The following USP10 variants were observed in gnomAD, a reference collection of about 807,000 sequenced individuals.
USP10 encodes ubiquitin carboxyl-terminal hydrolase 10.
In USP10, 22 loss-of-function variants were observed where a neutral mutation model predicts 84.5. That is an observed-to-expected ratio of 0.26 (90% confidence interval 0.19 to 0.37). The LOEUF (loss-of-function observed/expected upper bound fraction) is 0.37. USP10 is among the 10% of genes least tolerant of loss of function. USP10 has a pLI of 1.00. For synonymous variants in USP10, 454 were observed against 387.6 expected (o/e 1.17, Z -2.01); for missense variants, 1,019 against 998.9 (o/e 1.02, Z -0.27).
At chr16:84,772,426 C>T (rs1455029438) in intron 11 of USP10, 115 bp from the exon 12 acceptor site, 1 of 1,435,740 alleles carries the variant, frequency 7.0e-7, no homozygotes, top group Non-Finnish European at 9.6e-7. Flanking sequence ...GAAGTCCTGC[C>T]ACAGGACTCT....
intron 13 of USP10, 150 bp from the exon 14 acceptor site, chr16:84,778,745 T>G: frequency 2.7e-6 from 2 of 737,932 alleles, no homozygotes; most frequent in Non-Finnish European, 4.4e-6. Context: ...TGAAATAGCA[T>G]TGGTTTGTGT....
At chr16:84,721,026 C>T (rs570647136) in intron 1 of USP10, among the ~76,000 whole-genome samples, 82 of 149,880 alleles carry the variant, frequency 5.5e-4, no homozygotes, top group African/African-American at 1.9e-3. Flanking sequence ...CTCGAGTAGC[C>T]GGGAGTACAG....
At chr16:84,735,744 T>C (rs1909852158) in intron 2 of USP10, among the ~76,000 whole-genome samples, 2 of 152,156 alleles carry the variant, frequency 1.3e-5, no homozygotes, top group African/African-American at 4.8e-5. Flanking sequence ...GTAGTGTGTG[T>C]GGGCTTATTT....
chr16:84,771,271 T>G (rs1219213564), intron 11 of USP10, among the ~76,000 whole-genome samples: 2 of 152,148 alleles, frequency 1.3e-5, no homozygotes, highest in Non-Finnish European at 2.9e-5. Context: ...CTTTAAAGGT[T>G]ATTTAAAACA....
rs1294185169 is a variant in USP10 at position 84,762,914 on chromosome 16, T to C, written c.1555-75T>C. The C allele has an allele frequency of 4.7e-6, 4 of 843,704 alleles. 1 individual carries two copies. Among genetic ancestry groups the C allele is most frequent in the South Asian group, 1.8e-5 (1 of 55,028 alleles). 52.3% of individuals were successfully genotyped at this position (843,704 alleles called of 1,614,324 possible). ...TTTCAGAGGAGGCATGGTTGGACTT[T>C]GCAAGTACTGCATGTCCTGCAGGCC... On this transcript the variant is annotated intron_variant, in intron 8 of 13. Transcript: ENST00000219473.
At chr16:84,709,212 C>G (rs188210480) in intron 1 of USP10, 1 of 152,284 alleles carries the variant, frequency 6.6e-6, no homozygotes, top group Non-Finnish European at 1.5e-5. Flanking sequence ...ACACGTCACT[C>G]CAAACTGAGA....
Position 84,727,455 on chromosome 16 carries a change from TAAAA to T in USP10, c.22-5976_22-5973del, listed in dbSNP as rs532698191. Among the ~76,000 whole-genome samples the T allele has an allele frequency of 7.8e-3, 1,107 of 141,774 alleles. 11 individuals carry two copies. Among genetic ancestry groups the T allele is most frequent in the African/African-American group, 0.026 (1,048 of 39,816 alleles). The allele number at this position is 141,774 out of a possible 152,430, so 93.0% of individuals were successfully genotyped here. On this transcript the variant is annotated intron_variant, in intron 1 of 13. Transcript: ENST00000219473. ...ACCTCACAATTTTCAGTGTTAGCTT[TAAAA>T]AAACAAACAAACAAACAAACAAACA...
intron 4 of USP10, among the ~76,000 whole-genome samples, chr16:84,746,751 C>T (rs113396376): frequency 3.3e-5 from 5 of 152,090 alleles, no homozygotes; most frequent in Admixed American, 2.0e-4. Flanking sequence ...GGCTGTACTA[C>T]GTTGATTTAC....
At chr16:84,759,612 C>A in intron 6 of USP10, 140 bp downstream of exon 6, 1 of 810,244 alleles carries the variant, frequency 1.2e-6, no homozygotes, top group Non-Finnish European at 2.0e-6. Flanking sequence ...AGACTGTTGG[C>A]GATTTTATAT....
rs201635042 is a variant in USP10 at position 84,759,896 on chromosome 16, G to A, written c.1400G>A (p.Arg467Gln). 260 of 1,613,724 alleles carry A rather than the reference G, an allele frequency of 1.6e-4. 3 individuals are homozygous for A. Among genetic ancestry groups the A allele is most frequent in the South Asian group, 1.2e-3 (113 of 91,078 alleles). The change falls in exon 7 of 14, where the codon CGG (arginine) becomes CAG (glutamine). Residue 467 changes from arginine (R) to glutamine (Q), a missense_variant. Arg to Gln is a conservative substitution (Grantham distance 43). Transcript: ENST00000219473. ...TSTPMIDSFV[R>Q]LMNEFTNMPV... ...CATTTTTTCCCCATGTTTAGTGTTCGGCTAATGAATGAGTTCACTAATATG... is the reference window on the plus strand; with the variant it reads ...CATTTTTTCCCCATGTTTAGTGTTCAGCTAATGAATGAGTTCACTAATATG...
chr16:84,714,476 G>C (rs1266655674), intron 1 of USP10, among the ~76,000 whole-genome samples: 1 of 151,394 alleles, frequency 6.6e-6, no homozygotes, highest in East Asian at 1.9e-4. Context: ...GCGCCACCGT[G>C]CACGGCTTTG....
Position 84,715,225 on chromosome 16 carries a change from C to T in USP10, c.21+15114C>T, listed in dbSNP as rs965050946. Among the ~76,000 whole-genome samples the T allele has an allele frequency of 7.9e-5, 12 of 152,114 alleles. 1 individual carries two copies. The highest frequency in any genetic ancestry group is 6.3e-3 in the Middle Eastern group (2 of 316). ...GATTACAGGCGTGAGGCACCACTCC[C>T]GGCCCATTTATAAAATATCAATAAG... On this transcript the variant is annotated intron_variant, in intron 1 of 13. Transcript: ENST00000219473.
At chr16:84,713,710 A>G (rs1041653270) in intron 1 of USP10, among the ~76,000 whole-genome samples, 2 of 152,182 alleles carry the variant, frequency 1.3e-5, no homozygotes, top group African/African-American at 4.8e-5. Context: ...TAGAGAATCA[A>G]CTGTTAGGAT....
At chr16:84,734,825 T>A (rs946348515) in intron 2 of USP10, among the ~76,000 whole-genome samples, 1 of 152,206 alleles carries the variant, frequency 6.6e-6, no homozygotes, top group Non-Finnish European at 1.5e-5. Flanking sequence ...ATTTTGTATA[T>A]GTGTGAGGTG....
chr16:84,774,873 A>G (rs9922892), intron 12 of USP10, among the ~76,000 whole-genome samples: 351 of 152,020 alleles, frequency 2.3e-3, no homozygotes, highest in African/African-American at 7.7e-3. Flanking sequence ...TTTCTTTTCC[A>G]TTTTGTAGAG....
chr16:84,740,447 G>T, intron 3 of USP10, 78 bp downstream of exon 3: 2 of 1,181,078 alleles, frequency 1.7e-6, no homozygotes, highest in Non-Finnish European at 2.5e-6. Context: ...TGTAAACATT[G>T]TTTCCCATTT....
chr16:84,733,336 C>A, intron 1 of USP10, 99 bp from the exon 2 acceptor site: 1 of 933,760 alleles, frequency 1.1e-6, no homozygotes, highest in Non-Finnish European at 1.7e-6. Flanking sequence ...GGGTTATGGC[C>A]CAAATGTTGC....
chr16:84,768,455 T>C, intron 11 of USP10, 97 bp downstream of exon 11: 2 of 1,246,218 alleles, frequency 1.6e-6, no homozygotes, highest in Non-Finnish European at 2.1e-6. Flanking sequence ...GTTTGAGTTA[T>C]GCCTCTTAAA....
intron 4 of USP10, among the ~76,000 whole-genome samples, chr16:84,754,478 AAGGGCCCGT>A (rs756497290): frequency 1.2e-4 from 18 of 152,310 alleles, no homozygotes; most frequent in Middle Eastern, 3.4e-3. Context: ...TACACGTCCC[AAGGGCCCGT>A]ACGTATGTTC....
Sources: gnomAD v4.1 joint callset for allele counts (sites outside exome capture counted in the v4.1 genomes callset) on GRCh38, gnomAD v4.1.1 for gene constraint, MANE v1.5 for transcripts, NCBI Gene and HGNC (gene_info 2026-07-23, HGNC 2026-07-21) for gene names.